The following ARB2A variants were observed in gnomAD, a reference collection of about 807,000 sequenced individuals.
ARB2A encodes the protein cotranscriptional regulator ARB2A.
chr5:93,967,253 C>T, the ARB2A span, among the ~76,000 whole-genome samples: 10 of 152,062 alleles, frequency 6.6e-5, no homozygotes, highest in Non-Finnish European at 1.5e-4. Flanking sequence ...TAAGAGACTA[C>T]GCAGGCTCTA....
the ARB2A span, among the ~76,000 whole-genome samples, chr5:93,692,670 C>T: frequency 9.2e-5 from 14 of 152,256 alleles, no homozygotes; most frequent in Middle Eastern, 3.4e-3. Context: ...ATATTCAGGA[C>T]GTGAACTCAG....
At chr5:93,621,436 C>T in the ARB2A span, among the ~76,000 whole-genome samples, 8 of 152,344 alleles carry the variant, frequency 5.3e-5, no homozygotes, top group South Asian at 1.4e-3. Context: ...GTCCCCATCC[C>T]TCTCCCAACG....
At chr5:94,090,628 T>C in the ARB2A span, among the ~76,000 whole-genome samples, 1 of 152,322 alleles carries the variant, frequency 6.6e-6, no homozygotes, top group East Asian at 1.9e-4. Flanking sequence ...TGTTTCCAGC[T>C]TTTGCCCATT....
At chr5:93,624,426 T>A in the ARB2A span, among the ~76,000 whole-genome samples, 508 of 152,306 alleles carry the variant, frequency 3.3e-3, 3 homozygotes, top group African/African-American at 0.012. Flanking sequence ...GAGTAAAATG[T>A]TTTTCCACAT....
the ARB2A span, among the ~76,000 whole-genome samples, chr5:93,793,321 C>A: frequency 1.4e-5 from 2 of 146,460 alleles, no homozygotes; most frequent in Non-Finnish European, 1.5e-5. Context: ...TGGCCTCAGG[C>A]AATCCTCCCA....
At chr5:93,687,299 T>C in the ARB2A span, among the ~76,000 whole-genome samples, 1 of 152,208 alleles carries the variant, frequency 6.6e-6, no homozygotes, top group African/African-American at 2.4e-5. Context: ...TAAACTTGTA[T>C]AACTATTTTG....
At chr5:93,903,532 T>G in the ARB2A span, among the ~76,000 whole-genome samples, 4 of 152,040 alleles carry the variant, frequency 2.6e-5, no homozygotes, top group African/African-American at 4.8e-5. Flanking sequence ...CTAGTTTCTC[T>G]GCCATGTATT....
At chr5:94,110,763 T>C in the ARB2A span, among the ~76,000 whole-genome samples, 1 of 152,224 alleles carries the variant, frequency 6.6e-6, no homozygotes, top group African/African-American at 2.4e-5. Flanking sequence ...TTGATAAATA[T>C]ACAATGCACT....
At chr5:93,841,522 C>A in the ARB2A span, among the ~76,000 whole-genome samples, 5 of 152,072 alleles carry the variant, frequency 3.3e-5, no homozygotes, top group African/African-American at 1.2e-4. Context: ...GAGGGGCTGT[C>A]CTGAAACCAG....
the ARB2A span, among the ~76,000 whole-genome samples, chr5:93,815,951 A>T: frequency 6.6e-6 from 1 of 152,118 alleles, no homozygotes; most frequent in Non-Finnish European, 1.5e-5. Context: ...CTCCTCCTGA[A>T]ACTATCCTGA....
the ARB2A span, among the ~76,000 whole-genome samples, chr5:94,050,252 C>CTTT: frequency 1.1e-4 from 15 of 132,594 alleles, no homozygotes; most frequent in African/African-American, 1.7e-4. Context: ...AAAACAGAAA[C>CTTT]TTTTTTTTTT....
chr5:93,807,263 C>T, the ARB2A span, among the ~76,000 whole-genome samples: 3 of 151,904 alleles, frequency 2.0e-5, no homozygotes, highest in African/African-American at 7.2e-5. Flanking sequence ...GAGTGCTAAG[C>T]TGTAAAACAT....
chr5:93,775,742 G>T, the ARB2A span, among the ~76,000 whole-genome samples: 1 of 152,104 alleles, frequency 6.6e-6, no homozygotes, highest in Non-Finnish European at 1.5e-5. Context: ...TAAAATCTTT[G>T]CATGAAGTAT....
At chr5:93,943,861 C>A in the ARB2A span, among the ~76,000 whole-genome samples, 1 of 151,836 alleles carries the variant, frequency 6.6e-6, no homozygotes, top group African/African-American at 2.4e-5. Context: ...CATCAAAAAA[C>A]GGGGAAAAAT....
the ARB2A span, among the ~76,000 whole-genome samples, chr5:93,904,994 T>C: frequency 6.6e-6 from 1 of 151,812 alleles, no homozygotes; most frequent in African/African-American, 2.4e-5. Flanking sequence ...AAAACAGTAT[T>C]TGTCTCCTCA....
the ARB2A span, among the ~76,000 whole-genome samples, chr5:94,085,624 G>A: frequency 6.6e-6 from 1 of 152,154 alleles, no homozygotes; most frequent in African/African-American, 2.4e-5. Context: ...CTGGCAGAAG[G>A]CAGCCCTACT....
At chr5:93,774,196 C>A in the ARB2A span, among the ~76,000 whole-genome samples, 1 of 152,202 alleles carries the variant, frequency 6.6e-6, no homozygotes, top group African/African-American at 2.4e-5. Flanking sequence ...CTGAGCAGTT[C>A]TCCTGTCCCT....
chr5:94,043,515 A>AAAG, the ARB2A span, among the ~76,000 whole-genome samples: 1 of 152,220 alleles, frequency 6.6e-6, no homozygotes, highest in Non-Finnish European at 1.5e-5. Context: ...ACAACTGGAA[A>AAAG]AACTGGTTAT....
the ARB2A span, chr5:93,743,603 A>T: frequency 1.0e-6 from 1 of 970,510 alleles, no homozygotes; most frequent in Non-Finnish European, 1.2e-6. Context: ...TGGATCACAA[A>T]GAGGGATAAA....
Sources: gnomAD v4.1 joint callset for allele counts (sites outside exome capture counted in the v4.1 genomes callset) on GRCh38, gnomAD v4.1.1 for gene constraint, MANE v1.5 for transcripts, NCBI Gene and HGNC (gene_info 2026-07-23, HGNC 2026-07-21) for gene names.